Variants in CCDC88C observed in about 807,000 individuals in gnomAD.
The protein encoded by CCDC88C is protein Daple.
In CCDC88C, 131 loss-of-function variants were observed where a neutral mutation model predicts 198.8. The observed-to-expected ratio is 0.66, with a 90% CI of 0.57 to 0.76. The LOEUF (loss-of-function observed/expected upper bound fraction) is 0.76, where lower values mean the gene tolerates loss of function less well. Ranked by LOEUF, CCDC88C falls within the 30% of genes least tolerant of loss-of-function variation. The pLI is 0.00. For synonymous variants in CCDC88C, 1,166 were observed against 1,114.7 expected (o/e 1.05, Z -0.92); for missense variants, 2,553 against 2,631.6 (o/e 0.97, Z 0.65).
rs927330704 is a variant in CCDC88C, at chr14:91,284,424, T to A, written c.4442-907A>T. Among the ~76,000 whole-genome samples, 2 of 152,164 alleles carry A rather than the reference T, an allele frequency of 1.3e-5. No individual in the cohort carries two copies. Among genetic ancestry groups the A allele is most frequent in the Non-Finnish European group, 2.9e-5 (2 of 68,020 alleles). On this transcript the variant is annotated intron_variant, in intron 25 of 29. Transcript: ENST00000389857. This position sits in a 1 kb window ranked among gnomAD's most constrained non-coding sequence, Gnocchi z 4.1. Reference sequence around the variant, plus strand: ...AAGGGGAAATTTGGATTTTGAAAGATAACCTTGATGAGAAGCAAGATTCAA... The same window carrying A: ...AAGGGGAAATTTGGATTTTGAAAGAAAACCTTGATGAGAAGCAAGATTCAA...
chr14:91,405,459 G>A (rs1886432703), intron 3 of CCDC88C, among the ~76,000 whole-genome samples: 1 of 152,138 alleles, frequency 6.6e-6, no homozygotes, highest in Admixed American at 6.5e-5. Flanking sequence ...TTCCCAAGAA[G>A]AGGCCGGGCG....
chr14:91,289,090 G>C lies in CCDC88C; in HGVS notation c.4441+15C>G. On this transcript the variant is annotated intron_variant, in intron 25 of 29. Transcript: ENST00000389857. Reference sequence around the variant, plus strand: ...CCCTTCCTCACCCGACCACGGCCAGGACGGCCGCCCCTACCTTTCCCCACA... The same window carrying C: ...CCCTTCCTCACCCGACCACGGCCAGCACGGCCGCCCCTACCTTTCCCCACA... The C allele has an allele frequency of 6.2e-7, 1 of 1,605,746 alleles. No homozygotes were observed. Among genetic ancestry groups the C allele is most frequent in the South Asian group, 1.1e-5 (1 of 90,842 alleles).
chr14:91,334,985 AT>A (rs377043341), intron 10 of CCDC88C, among the ~76,000 whole-genome samples: 184 of 152,300 alleles, frequency 1.2e-3, no homozygotes, highest in Non-Finnish European at 1.6e-3. Context: ...TTCTGCAGGT[AT>A]CTGAGAAGGT....
At chr14:91,350,677 C>G (rs1031873218) in intron 4 of CCDC88C, among the ~76,000 whole-genome samples, 1 of 152,178 alleles carries the variant, frequency 6.6e-6, no homozygotes, top group African/African-American at 2.4e-5. Flanking sequence ...GAAACTGATT[C>G]CTCTGTCTTG....
chr14:91,314,255 C>T, intron 14 of CCDC88C, 105 bp from the exon 15 acceptor site: 1 of 909,328 alleles, frequency 1.1e-6, no homozygotes, highest in Non-Finnish European at 1.7e-6. Flanking sequence ...AACGGCTGTC[C>T]TACCTGTGCT....
intron 3 of CCDC88C, among the ~76,000 whole-genome samples, chr14:91,369,930 C>T (rs1054152964): frequency 1.3e-4 from 20 of 152,232 alleles, no homozygotes; most frequent in African/African-American, 3.6e-4. Flanking sequence ...GAGGCTACCA[C>T]GTCATCAGAA....
At position 91,408,463 on chromosome 14, in the gene CCDC88C, C is replaced by CA; in HGVS notation, c.270+195dup. The CA allele has an allele frequency of 5.2e-6, 3 of 573,698 alleles. No individual in the cohort carries two copies. The South Asian group carries it at 5.8e-5, about 11-fold the overall frequency. 35.5% of individuals were successfully genotyped at this position (573,698 alleles called of 1,614,324 possible). A position where few individuals can be genotyped will look rare whatever the true frequency, so the allele number is the denominator to read the frequency against. On this transcript the variant is annotated intron_variant, in intron 3 of 29. Coordinates refer to ENST00000389857, the MANE Select transcript of CCDC88C (RefSeq NM_001080414.4). ...TACACACAGCTCAAAGAACATTCAC[C>CA]AAACAAAGGAAATCAACGCACCATC... is the stretch of plus-strand genomic sequence containing the variant.
At position 91,352,901 on chromosome 14, in the gene CCDC88C, G is replaced by A. The variant is rs1005468052; in HGVS notation, c.340+6741C>T. Among the ~76,000 whole-genome samples, 1 of 152,170 alleles carries A rather than the reference G, an allele frequency of 6.6e-6. No individual in the cohort carries two copies. Among genetic ancestry groups the A allele is most frequent in the Admixed American group, 6.5e-5 (1 of 15,282 alleles). ...GCAGGAGGACTGTTCCTCACAAGCC[G>A]GACTCTGAGCCTGTGCCTGGGTTGC... On this transcript the variant is annotated intron_variant, in intron 4 of 29. Coordinates refer to ENST00000389857, the MANE Select transcript of CCDC88C (RefSeq NM_001080414.4). The surrounding 1 kb of genome is among the most constrained non-coding windows in gnomAD (Gnocchi z 4.2).
At chr14:91,315,894 T>C in intron 13 of CCDC88C, 107 bp from the exon 14 acceptor site, 1 of 1,189,318 alleles carries the variant, frequency 8.4e-7, no homozygotes. Flanking sequence ...GATGGGTCTT[T>C]TCTCAAGGGA....
chr14:91,293,581 T>TCGCCTGCCACGGCCCACCTTCCTGC lies in CCDC88C; in HGVS notation c.4112+591_4112+592insGCAGGAAGGTGGGCCGTGGCAGGCG, dbSNP rs1567055999. On this transcript the variant is annotated intron_variant, in intron 23 of 29. Coordinates refer to ENST00000389857, the MANE Select transcript of CCDC88C (RefSeq NM_001080414.4). Reference sequence around the variant, plus strand: ...TCGCCTGCCACGGCCCACCTTCCTGTCCCCTCGCCTGCCATGGCCCACCTC... The same window carrying TCGCCTGCCACGGCCCACCTTCCTGC: ...TCGCCTGCCACGGCCCACCTTCCTGTCGCCTGCCACGGCCCACCTTCCTGCCCCCTCGCCTGCCATGGCCCACCTC... 5.7e-4 allele frequency among the ~76,000 whole-genome samples: 16 copies of TCGCCTGCCACGGCCCACCTTCCTGC among 27,944 alleles called. 1 individual carries two copies. Among genetic ancestry groups the TCGCCTGCCACGGCCCACCTTCCTGC allele is most frequent in the Non-Finnish European group, 9.0e-4 (12 of 13,294 alleles). The allele number at this position is 27,944 out of a possible 152,430, so 18.3% of individuals were successfully genotyped here.
intron 3 of CCDC88C, among the ~76,000 whole-genome samples, chr14:91,404,940 G>A (rs902563612): frequency 2.0e-5 from 3 of 151,216 alleles, no homozygotes; most frequent in Admixed American, 6.6e-5. Context: ...ACTCCAGGCT[G>A]GGCGACAGAG....
intron 5 of CCDC88C, among the ~76,000 whole-genome samples, 185 bp from the exon 6 acceptor site, chr14:91,342,648 C>T (rs1893358533): frequency 6.6e-6 from 1 of 152,198 alleles, no homozygotes; most frequent in Admixed American, 6.5e-5. Context: ...GCCAGGACCA[C>T]TTACATCAGA....
intron 13 of CCDC88C, among the ~76,000 whole-genome samples, chr14:91,320,024 C>CAAAAAAA (rs61102058): frequency 9.5e-4 from 23 of 24,162 alleles, no homozygotes; most frequent in East Asian, 1.3e-3. Flanking sequence ...AACTCAGTCT[C>CAAAAAAA]AAAAAAAAAA....
intron 3 of CCDC88C, among the ~76,000 whole-genome samples, chr14:91,374,434 A>C (rs1343505814): frequency 6.6e-6 from 1 of 152,242 alleles, no homozygotes; most frequent in Non-Finnish European, 1.5e-5. Flanking sequence ...TGTGTGTGTT[A>C]AGAAGCAAAA....
Position 91,273,930 on chromosome 14 carries a change from A to C in CCDC88C, c.5059-277T>G, listed in dbSNP as rs1356219984. 6.6e-6 allele frequency among the ~76,000 whole-genome samples: 1 copy of C among 152,094 alleles called. No homozygotes were observed. Among genetic ancestry groups the C allele is most frequent in the Non-Finnish European group, 1.5e-5 (1 of 68,008 alleles). ...GATAAGGAAACAGACCCAGAGAGGG[A>C]AATGACTTCCTACAAAGTGAGTAAG... is the stretch of plus-strand genomic sequence containing the variant. On this transcript the variant is annotated intron_variant, in intron 29 of 29. Transcript: ENST00000389857. The surrounding 1 kb of genome is among the most constrained non-coding windows in gnomAD (Gnocchi z 5.6).
intron 26 of CCDC88C, 29 bp from the exon 27 acceptor site, chr14:91,281,554 T>C (rs376214244): frequency 3.1e-6 from 5 of 1,608,412 alleles, no homozygotes; most frequent in African/African-American, 2.7e-5. Context: ...TAGTGAGTCA[T>C]GGTTACGGAA....
At chr14:91,305,947 A>G (rs1304910763) in intron 18 of CCDC88C, 21 bp from the exon 19 acceptor site, 1 of 1,606,852 alleles carries the variant, frequency 6.2e-7, no homozygotes, top group East Asian at 2.2e-5. Context: ...GGGAGGCATG[A>G]GCGAATCAAA....
rs771770353 is a variant in CCDC88C at position 91,272,789 on chromosome 14, C to T, written c.5923G>A (p.Glu1975Lys). The T allele has an allele frequency of 1.2e-5, 19 of 1,603,588 alleles. No individual in the cohort carries two copies. Among genetic ancestry groups the T allele is most frequent in the Non-Finnish European group, 1.6e-5 (19 of 1,175,980 alleles). Reference protein sequence around the residue: ...GDGVPGQGCSEGLPAKSPGRS... With the variant: ...GDGVPGQGCSKGLPAKSPGRS... ...CCTGGGCTCTTGGCCGGAAGCCCCT[C>T]ACTGCAGCCCTGCCCCGGGACCCCG... is the stretch of plus-strand genomic sequence containing the variant. The change falls in exon 30 of 30, where the codon GAG becomes AAG. Residue 1975 changes from glutamate to lysine, a missense_variant. Glu to Lys is a moderately conservative substitution (Grantham distance 56). Coordinates refer to ENST00000389857, the MANE Select transcript of CCDC88C (RefSeq NM_001080414.4).
intron 10 of CCDC88C, among the ~76,000 whole-genome samples, chr14:91,326,847 T>G (rs894747603): frequency 4.6e-5 from 7 of 152,222 alleles, no homozygotes; most frequent in Non-Finnish European, 8.8e-5. Flanking sequence ...ATAACAAAAG[T>G]TCTTGGCAGT....
Sources: allele counts gnomAD v4.1 joint callset (sites outside exome capture counted in the v4.1 genomes callset), GRCh38; gene constraint gnomAD v4.1.1; non-coding constraint Gnocchi (gnomAD v3.1); transcripts MANE v1.5; gene names NCBI Gene and HGNC (gene_info 2026-07-23, HGNC 2026-07-21).